ELAC1: variants seen among roughly 807,000 people sequenced by gnomAD.
ELAC1 encodes zinc phosphodiesterase ELAC protein 1.
ELAC1 carries 19 observed loss-of-function variants against 25.8 expected under a neutral mutation model. The ratio of observed to expected loss-of-function variants is 0.74; its 90% CI spans 0.51 to 1.08. The LOEUF (loss-of-function observed/expected upper bound fraction) is 1.08, where lower values mean the gene tolerates loss of function less well. Among genes scored for constraint, ELAC1 ranks in the 50% least tolerant of loss-of-function variants. ELAC1 has a pLI of 0.00. For missense variants in ELAC1, 403 were observed against 434.6 expected (o/e 0.93, Z 0.65); for synonymous variants, 148 against 160.9 (o/e 0.92, Z 0.61).
At chr18:50,970,873 C>T (rs1237387336) in intron 1 of ELAC1, among the ~76,000 whole-genome samples, 1 of 151,980 alleles carries the variant, frequency 6.6e-6, no homozygotes, top group African/African-American at 2.4e-5. Flanking sequence ...TGTATCCTCT[C>T]CCACATCAGA....
chr18:50,974,653 C>T, intron 2 of ELAC1, 92 bp downstream of exon 2: 2 of 1,247,434 alleles, frequency 1.6e-6, no homozygotes, highest in African/African-American at 3.0e-5. Flanking sequence ...AGAAACAGCC[C>T]TGATGGTTGC....
chr18:50,985,507 C>T (rs1908083545), intron 3 of ELAC1, among the ~76,000 whole-genome samples: 1 of 152,222 alleles, frequency 6.6e-6, no homozygotes, highest in Admixed American at 6.5e-5. Context: ...GGGATCTTTT[C>T]AGCACCTCTT....
chr18:50,974,523 G>C lies in ELAC1; in HGVS notation c.119G>C (p.Gly40Ala), dbSNP rs34913293. ...TGCTGGCTCTTTGACTGTGGGGAGG[G>C]AACACAGACACAGCTTATGAAAAGC... ...GECWLFDCGEGTQTQLMKSQL... is the reference protein window; with the variant it reads ...GECWLFDCGEATQTQLMKSQL... The change falls in exon 2 of 4, where the codon GGA (glycine) becomes GCA (alanine). Residue 40 changes from glycine to alanine, a missense_variant. Gly to Ala is a moderately conservative substitution (Grantham distance 60, BLOSUM62 0). Coordinates refer to ENST00000269466, the MANE Select transcript of ELAC1 (RefSeq NM_018696.3). 1.2e-6 allele frequency: 2 copies of C among 1,613,658 alleles called. No homozygotes were observed. Among genetic ancestry groups the C allele is most frequent in the Non-Finnish European group, 1.7e-6 (2 of 1,179,822 alleles).
Position 50,986,683 on chromosome 18 carries a change from G to A in ELAC1, c.690G>A (p.Gly230=), listed in dbSNP as rs765039487. Residue 230 remains glycine, a synonymous_variant, in exon 4 of 4, where the codon GGG becomes GGA. Coordinates refer to ENST00000269466, the MANE Select transcript of ELAC1 (RefSeq NM_018696.3). ...GAATTTCTGTTGTTCTGGAAAATGGGGTTACAATTTCTCCCCAAGATGTCT... is the reference window on the plus strand; with the variant it reads ...GAATTTCTGTTGTTCTGGAAAATGGAGTTACAATTTCTCCCCAAGATGTCT... The part of the protein sequence containing the change: ...KNGISVVLEN[G]VTISPQDVLK... 18 of 1,613,934 alleles carry A rather than the reference G, an allele frequency of 1.1e-5. No homozygotes were observed. Among genetic ancestry groups the A allele is most frequent in the South Asian group, 2.2e-5 (2 of 91,084 alleles).
intron 1 of ELAC1, chr18:50,968,709 C>T (rs1907572485): frequency 6.6e-6 from 1 of 152,112 alleles, no homozygotes; most frequent in African/African-American, 2.4e-5. Flanking sequence ...AGAAAGCAAG[C>T]AGCTGGGTTT....
At chr18:50,976,461 A>G (rs1274066282) in intron 2 of ELAC1, among the ~76,000 whole-genome samples, 3 of 152,300 alleles carry the variant, frequency 2.0e-5, no homozygotes, top group South Asian at 2.1e-4. Context: ...GCAAGAAAGC[A>G]TATGCAGGGG....
intron 3 of ELAC1, among the ~76,000 whole-genome samples, chr18:50,985,427 G>C (rs1352853982): frequency 6.6e-6 from 1 of 152,236 alleles, no homozygotes; most frequent in Non-Finnish European, 1.5e-5. Flanking sequence ...CAAGCATACA[G>C]AGGTGGGCTT....
intron 1 of ELAC1, chr18:50,968,810 A>G (rs753308169): frequency 6.6e-6 from 1 of 152,212 alleles, no homozygotes; most frequent in East Asian, 1.9e-4. Context: ...GTCCCAAAAC[A>G]TGCACCATTG....
At chr18:50,977,740 A>G (rs1485778224) in intron 2 of ELAC1, among the ~76,000 whole-genome samples, 3 of 152,210 alleles carry the variant, frequency 2.0e-5, no homozygotes, top group Admixed American at 2.0e-4. Flanking sequence ...CTTTTCTGTT[A>G]CATCATCAGG....
intron 2 of ELAC1, among the ~76,000 whole-genome samples, chr18:50,979,993 A>G (rs1402842022): frequency 2.0e-5 from 3 of 152,124 alleles, no homozygotes; most frequent in African/African-American, 4.8e-5. Flanking sequence ...GTCCTCCCAA[A>G]GTGCTAGGAT....
At chr18:50,986,090 G>A (rs1053962853) in intron 3 of ELAC1, among the ~76,000 whole-genome samples, 3 of 133,736 alleles carry the variant, frequency 2.2e-5, no homozygotes, top group African/African-American at 8.6e-5. Context: ...ATCTCAGCTC[G>A]CTCACTGCAA....
chr18:50,972,637 C>A (rs937368870), intron 1 of ELAC1, among the ~76,000 whole-genome samples: 6 of 152,124 alleles, frequency 3.9e-5, no homozygotes, highest in African/African-American at 1.4e-4. Flanking sequence ...TGTGCGCCAG[C>A]ATGCACGACT....
At chr18:50,978,902 C>A (rs147824806) in intron 2 of ELAC1, among the ~76,000 whole-genome samples, 1 of 152,092 alleles carries the variant, frequency 6.6e-6, no homozygotes, top group African/African-American at 2.4e-5. Context: ...ACAATTGAAC[C>A]GTAGTTATAT....
intron 1 of ELAC1, chr18:50,968,759 G>A (rs1375616162): frequency 6.6e-6 from 1 of 152,188 alleles, no homozygotes; most frequent in African/African-American, 2.4e-5. Context: ...GACCTAATCT[G>A]GTTTGCTCGC....
intron 1 of ELAC1, among the ~76,000 whole-genome samples, 173 bp from the exon 2 acceptor site, chr18:50,974,224 T>C (rs1907734915): frequency 6.6e-6 from 1 of 152,244 alleles, no homozygotes; most frequent in Admixed American, 6.5e-5. Flanking sequence ...TGTTAACTTG[T>C]AGTTTTAGCC....
At position 50,987,136 on chromosome 18, in the gene ELAC1, C is replaced by T. The variant is rs1324147787; in HGVS notation, c.*51C>T. On this transcript the variant is annotated 3_prime_UTR_variant, in exon 4 of 4. Transcript: ENST00000269466. ...ACATGTCTGTGAATATGTTACTGAA[C>T]CTATAGTCCAGTTTTTTTATTTCTT... The T allele has an allele frequency of 7.8e-7, 1 of 1,283,068 alleles. No individual in the cohort carries two copies. Among genetic ancestry groups the T allele is most frequent in the East Asian group, 2.4e-5 (1 of 41,924 alleles). 79.5% of individuals were successfully genotyped at this position (1,283,068 alleles called of 1,614,324 possible). A position where few individuals can be genotyped will look rare whatever the true frequency, so the allele number is the denominator to read the frequency against.
At chr18:50,985,392 T>C (rs1171302994) in intron 3 of ELAC1, among the ~76,000 whole-genome samples, 2 of 152,258 alleles carry the variant, frequency 1.3e-5, no homozygotes, top group South Asian at 2.1e-4. Context: ...CAGTTTTAGA[T>C]ATCAGGGTTC....
At chr18:50,968,285 G>C (rs1401142400) in intron 1 of ELAC1, 171 bp downstream of exon 1, 1 of 152,090 alleles carries the variant, frequency 6.6e-6, no homozygotes, top group Non-Finnish European at 1.5e-5. Flanking sequence ...AGCCTCGGCC[G>C]CCCGGCGCCG....
At chr18:50,982,766 C>T (rs1326039420) in intron 2 of ELAC1, among the ~76,000 whole-genome samples, 1 of 152,176 alleles carries the variant, frequency 6.6e-6, no homozygotes, top group Non-Finnish European at 1.5e-5. Context: ...ATCGGCTTTC[C>T]TGCATTCTGC....
Sources: allele counts gnomAD v4.1 joint callset (sites outside exome capture counted in the v4.1 genomes callset), GRCh38; gene constraint gnomAD v4.1.1; transcripts MANE v1.5; gene names NCBI Gene and HGNC (gene_info 2026-07-23, HGNC 2026-07-21).